ZNF221: variants seen among roughly 807,000 people sequenced by gnomAD.
The protein encoded by ZNF221 is zinc finger protein 221.
Under a neutral mutation model 12.6 loss-of-function variants are expected in ZNF221, and 10 were observed. The observed-to-expected ratio is 0.79, with a 90% confidence interval of 0.49 to 1.34. The LOEUF is 1.34. Ranked by LOEUF, ZNF221 falls within the 40% of genes most tolerant of loss-of-function variation. ZNF221 has a pLI of 0.00. For synonymous variants in ZNF221, 232 were observed against 244.0 expected (o/e 0.95, Z 0.46); for missense variants, 661 against 721.4 (o/e 0.92, Z 0.96).
At chr19:43,971,475 G>T (rs1466799112), downstream of ZNF221, among the ~76,000 whole-genome samples, 1 of 152,104 alleles carries the variant, frequency 6.6e-6, no homozygotes, top group African/African-American at 2.4e-5. Flanking sequence ...GCTGGATAAA[G>T]AGCCAAGACC....
At chr19:43,964,623 GGCA>G (rs1266572768) in intron 2 of ZNF221, among the ~76,000 whole-genome samples, 1 of 13,708 alleles carries the variant, frequency 7.3e-5, no homozygotes, top group Non-Finnish European at 5.7e-3. Flanking sequence ...TGGGGCAATT[GGCA>G]ACAACACACT....
the ZNF221 span, among the ~76,000 whole-genome samples, chr19:43,979,229 AAT>A: frequency 6.6e-6 from 1 of 152,018 alleles, no homozygotes; most frequent in Admixed American, 6.6e-5. Flanking sequence ...GGATTGTCCT[AAT>A]ATGACACTAA....
At chr19:43,961,916 A>T (rs1466512933) in intron 1 of ZNF221, 1 of 152,144 alleles carries the variant, frequency 6.6e-6, no homozygotes, top group Non-Finnish European at 1.5e-5. Context: ...TTCATTGGAG[A>T]TCTCAACTTT....
intron 1 of ZNF221, among the ~76,000 whole-genome samples, chr19:43,961,634 CTG>C (rs1974844668): frequency 6.6e-6 from 1 of 152,174 alleles, no homozygotes. Context: ...GTTCTTGTAA[CTG>C]TTTTCCCCCA....
the ZNF221 span, among the ~76,000 whole-genome samples, chr19:43,977,898 C>T: frequency 6.6e-6 from 1 of 152,098 alleles, no homozygotes; most frequent in Non-Finnish European, 1.5e-5. Context: ...ATAACTGAGA[C>T]TATAGTTGTA....
intron 1 of ZNF221, among the ~76,000 whole-genome samples, chr19:43,957,973 A>C (rs1434907417): frequency 6.6e-6 from 1 of 152,182 alleles, no homozygotes; most frequent in African/African-American, 2.4e-5. Flanking sequence ...GTTTACTGTA[A>C]GTTTACATAT....
downstream of ZNF221, among the ~76,000 whole-genome samples, chr19:43,969,858 A>G (rs1019544327): frequency 2.6e-5 from 4 of 152,200 alleles, no homozygotes; most frequent in Non-Finnish European, 4.4e-5. Context: ...AGTCTGGGCA[A>G]TCTGGGTGAG....
rs1275535656 is a variant in ZNF221, at chr19:43,966,108, G to A, written c.606G>A (p.Glu202=). Residue 202 remains glutamate, a synonymous_variant, in exon 5 of 5, where the codon GAG becomes GAA. Transcript: ENST00000587682. The part of the protein sequence containing the change: ...HSGEKSHTCG[E]CGKSFCYSPA... ...GAGAGAAATCTCATACATGTGGTGA[G>A]TGTGGAAAAAGCTTCTGTTACAGCC... 1 of 1,614,202 alleles carries A rather than the reference G, an allele frequency of 6.2e-7. No individual in the cohort carries two copies. Among genetic ancestry groups the A allele is most frequent in the Non-Finnish European group, 8.5e-7 (1 of 1,180,028 alleles).
At position 43,967,397 on chromosome 19, in the gene ZNF221, C is replaced by T. The variant is rs761632368; in HGVS notation, c.*41C>T. On this transcript the variant is annotated 3_prime_UTR_variant, in exon 5 of 5. Coordinates refer to ENST00000587682, the MANE Select transcript of ZNF221 (RefSeq NM_001297588.2). ...GAAGGGCTTTGGCTGGGCCTCAACT[C>T]ATCTGACCCATCAATTCTCCACAGC... The T allele has an allele frequency of 1.0e-5, 15 of 1,437,566 alleles. No individual in the cohort carries two copies. The highest frequency in any genetic ancestry group is 1.8e-4 in the Middle Eastern group (1 of 5,594). The allele number at this position is 1,437,566 out of a possible 1,614,324, so 89.1% of individuals were successfully genotyped here.
intron 2 of ZNF221, 101 bp downstream of exon 2, chr19:43,962,908 T>C (rs376187572): frequency 6.3e-6 from 7 of 1,113,566 alleles, no homozygotes; most frequent in East Asian, 2.7e-5. Context: ...ACAACAAGCA[T>C]TTGAGGGCAT....
At chr19:43,955,791 T>C (rs1053124156) in intron 1 of ZNF221, among the ~76,000 whole-genome samples, 6 of 152,216 alleles carry the variant, frequency 3.9e-5, no homozygotes, top group African/African-American at 1.4e-4. Flanking sequence ...TTCATTCACT[T>C]TGGAACTGCC....
chr19:43,969,939 C>G (rs1420989047), downstream of ZNF221, among the ~76,000 whole-genome samples: 1 of 152,244 alleles, frequency 6.6e-6, no homozygotes, highest in Non-Finnish European at 1.5e-5. Flanking sequence ...AAGTAGGTCC[C>G]TGATCCTGTT....
At chr19:43,965,150 T>A (rs977129244) in intron 3 of ZNF221, 74 bp downstream of exon 3, 9 of 1,599,530 alleles carry the variant, frequency 5.6e-6, no homozygotes, top group Non-Finnish European at 7.7e-6. Flanking sequence ...TGAGTATGCA[T>A]TGGGAACCTA....
chr19:43,978,164 T>C, the ZNF221 span, among the ~76,000 whole-genome samples: 1 of 76,074 alleles, frequency 1.3e-5, no homozygotes, highest in Non-Finnish European at 3.5e-5. Context: ...CATATCAAGA[T>C]TCCCAACTCT....
rs141257347 is a variant in ZNF221 at position 43,967,539 on chromosome 19, C to T, written c.*183C>T. 5.5e-4 allele frequency: 305 copies of T among 553,440 alleles called. No homozygotes were observed. Among genetic ancestry groups the T allele is most frequent in the Middle Eastern group, 7.2e-4 (2 of 2,796 alleles). 34.3% of individuals were successfully genotyped at this position (553,440 alleles called of 1,614,324 possible). On this transcript the variant is annotated 3_prime_UTR_variant, in exon 5 of 5. Coordinates refer to ENST00000587682, the MANE Select transcript of ZNF221 (RefSeq NM_001297588.2). ...TTTCACCCAGGCCTGACTGCAGTGG[C>T]GCTATCTCAGCTCACTGCAAGCTCC...
chr19:43,965,878 TG>T lies in ZNF221; in HGVS notation c.379del (p.Glu127AsnfsTer7). Reference protein sequence around the residue: ...PHEEWSCQQIWEQIASDLTRS... With the variant: ...PHEEWSCQQIXEQIASDLTRS... ...TGAAGAGTGGTCCTGTCAGCAAATA[TG>T]GGAACAAATTGCAAGTGACCTAACC... is the stretch of plus-strand genomic sequence containing the variant. On this transcript the variant is annotated frameshift_variant, in exon 5 of 5. Coordinates refer to ENST00000587682, the MANE Select transcript of ZNF221 (RefSeq NM_001297588.2). LOFTEE classifies it low-confidence loss of function (END_TRUNC). 1.2e-6 allele frequency: 2 copies of T among 1,614,050 alleles called. No individual in the cohort carries two copies. The highest frequency in any genetic ancestry group is 3.3e-5 in the Admixed American group (2 of 60,020).
intron 1 of ZNF221, among the ~76,000 whole-genome samples, chr19:43,955,767 T>A (rs1237930152): frequency 6.6e-6 from 1 of 152,210 alleles, no homozygotes; most frequent in East Asian, 1.9e-4. Context: ...GGTGGCATCC[T>A]TCCAAATCAT....
intron 1 of ZNF221, among the ~76,000 whole-genome samples, chr19:43,951,931 TGGCGCGATCTC>T (rs1271679201): frequency 7.7e-6 from 1 of 130,062 alleles, no homozygotes; most frequent in East Asian, 2.4e-4. Flanking sequence ...TGGAGTGCAG[TGGCGCGATCTC>T]GGCTCACTGC....
chr19:43,964,917 T>C (rs202072249), intron 2 of ZNF221, 33 bp from the exon 3 acceptor site: 2 of 1,613,700 alleles, frequency 1.2e-6, no homozygotes, highest in East Asian at 2.2e-5. Context: ...TCATTGGTCA[T>C]AAGATTTAGG....
Sources: gnomAD v4.1 joint callset for allele counts (sites outside exome capture counted in the v4.1 genomes callset) on GRCh38, gnomAD v4.1.1 for gene constraint, MANE v1.5 for transcripts, NCBI Gene and HGNC (gene_info 2026-07-23, HGNC 2026-07-21) for gene names.